Variants in ZNF106 observed in about 807,000 individuals in gnomAD.
ZNF106 encodes the protein zinc finger protein 106, also known as SH3-domain binding protein 3.
A neutral mutation model predicts 195.1 loss-of-function variants in ZNF106; 67 were observed. The observed-to-expected ratio is 0.34, with a 90% CI of 0.28 to 0.42. The LOEUF (loss-of-function observed/expected upper bound fraction) is 0.42, where lower values mean the gene tolerates loss of function less well. ZNF106 is among the 10% of genes least tolerant of loss of function. The pLI is 1.00. For missense variants in ZNF106, 2,118 were observed against 2,304.5 expected (o/e 0.92, Z 1.66); for synonymous variants, 784 against 818.6 (o/e 0.96, Z 0.72).
intron 3 of ZNF106, among the ~76,000 whole-genome samples, chr15:42,463,258 C>A (rs1209248410): frequency 6.6e-6 from 1 of 152,018 alleles, no homozygotes; most frequent in East Asian, 1.9e-4. Flanking sequence ...GCAGGTAAGT[C>A]ACCCATAATA....
rs780995404 is a variant in ZNF106 at position 42,442,310 on chromosome 15, T to G, written c.3526A>C (p.Thr1176Pro). 3.7e-6 allele frequency: 6 copies of G among 1,613,808 alleles called. No individual in the cohort carries two copies. Among genetic ancestry groups the G allele is most frequent in the African/African-American group, 1.3e-5 (1 of 74,818 alleles). The change falls in exon 10 of 22, where the codon ACT (threonine) becomes CCT (proline). Residue 1176 changes from threonine to proline, a missense_variant. Transcript: ENST00000564754. ...TCCAGAAAAAGTGGGAAAAAGGGAG[T>G]GGGCAGCAGTGCGGCATCAATGGAT... ...QTSIDAALLPTPFFPLFLEPP... is the reference protein window; with the variant it reads ...QTSIDAALLPPPFFPLFLEPP...
At chr15:42,437,487 A>G (rs934748701) in intron 12 of ZNF106, 110 bp from the exon 13 acceptor site, 38 of 1,272,330 alleles carry the variant, frequency 3.0e-5, no homozygotes, top group Non-Finnish European at 3.7e-5. Flanking sequence ...CCAAAAGTAG[A>G]TCCCTTAAAT....
chr15:42,461,095 T>C (rs1005676158), intron 3 of ZNF106, among the ~76,000 whole-genome samples: 1 of 152,194 alleles, frequency 6.6e-6, no homozygotes, highest in African/African-American at 2.4e-5. Context: ...TCTTTCTCTA[T>C]GTAGCCACAT....
chr15:42,422,379 A>ACTC, intron 18 of ZNF106, 122 bp downstream of exon 18: 5 of 1,289,614 alleles, frequency 3.9e-6, no homozygotes, highest in Non-Finnish European at 5.3e-6. Context: ...AATTATCTAG[A>ACTC]ATGCTTGTGA....
intron 5 of ZNF106, 90 bp from the exon 6 acceptor site, chr15:42,448,795 C>T: frequency 7.2e-7 from 1 of 1,383,160 alleles, no homozygotes; most frequent in Admixed American, 2.5e-5. Context: ...CTCTCAAGCA[C>T]TGAGGTTATA....
intron 1 of ZNF106, among the ~76,000 whole-genome samples, chr15:42,473,209 T>C (rs2056716079): frequency 6.6e-6 from 1 of 152,104 alleles, no homozygotes; most frequent in African/African-American, 2.4e-5. Flanking sequence ...AGTACGCAAA[T>C]ATTCCAAGAT....
At chr15:42,465,513 G>T (rs1446287270) in intron 3 of ZNF106, among the ~76,000 whole-genome samples, 5 of 151,990 alleles carry the variant, frequency 3.3e-5, no homozygotes, top group Admixed American at 1.3e-4. Context: ...CTGGGCTCAA[G>T]TAATCCTTCC....
intron 20 of ZNF106, among the ~76,000 whole-genome samples, 183 bp from the exon 21 acceptor site, chr15:42,418,134 C>G (rs184932439): frequency 6.6e-6 from 1 of 152,176 alleles, no homozygotes; most frequent in African/African-American, 2.4e-5. Context: ...TAATGAGGAA[C>G]CTTGAAAATA....
At chr15:42,468,771 G>A (rs2056592943) in intron 2 of ZNF106, among the ~76,000 whole-genome samples, 1 of 151,926 alleles carries the variant, frequency 6.6e-6, no homozygotes, top group African/African-American at 2.4e-5. Flanking sequence ...AAAATAAGGA[G>A]AGAGTAGCTT....
intron 1 of ZNF106, among the ~76,000 whole-genome samples, chr15:42,487,441 T>C (rs1567036692): frequency 7.5e-6 from 1 of 134,076 alleles, no homozygotes; most frequent in Non-Finnish European, 1.5e-5. Context: ...TAGTGAGCCA[T>C]GATCATGCCA....
chr15:42,440,996 AAAATATATATATATAT>A (rs1484857013), intron 10 of ZNF106, among the ~76,000 whole-genome samples: 15 of 49,394 alleles, frequency 3.0e-4, no homozygotes, highest in African/African-American at 1.6e-3. Flanking sequence ...AAAAAAAAAA[AAAATATATATATATAT>A]ATATATATAT....
intron 2 of ZNF106, among the ~76,000 whole-genome samples, chr15:42,471,364 T>C (rs1215027574): frequency 6.6e-6 from 1 of 152,176 alleles, no homozygotes; most frequent in African/African-American, 2.4e-5. Flanking sequence ...CTAGCAGCAC[T>C]ACTCTGAAAG....
chr15:42,421,974 T>G lies in ZNF106; in HGVS notation c.5388A>C (p.Leu1796Phe). ...TGTCTTTGTGTCCTCCATAAACTTG[T>G]AATCGATCATGAGACTTAGGCAGAA... is the stretch of plus-strand genomic sequence containing the variant. The part of the protein sequence containing the change: ...RVYELQSHDR[L>F]QVYGGHKDMI... Residue 1796 changes from leucine (L) to phenylalanine (F), a missense_variant, in exon 19 of 22, where the codon TTA becomes TTC. Transcript: ENST00000564754. The G allele has an allele frequency of 6.3e-7, 1 of 1,583,512 alleles. No individual in the cohort carries two copies.
chr15:42,419,363 A>G (rs2054573546), intron 20 of ZNF106, among the ~76,000 whole-genome samples: 1 of 151,974 alleles, frequency 6.6e-6, no homozygotes, highest in South Asian at 2.1e-4. Context: ...TGTCTCAGAA[A>G]AAAAATAAAT....
Position 42,466,210 on chromosome 15 carries a change from C to T in ZNF106, c.55-96G>A, listed in dbSNP as rs1321419745. ...CCTCAATCAAAAATTGGGGCTCAAACTCCTTATGTCAAAATGTGTTTTTGG... is the reference window on the plus strand; with the variant it reads ...CCTCAATCAAAAATTGGGGCTCAAATTCCTTATGTCAAAATGTGTTTTTGG... On this transcript the variant is annotated intron_variant, in intron 2 of 21. Coordinates refer to ENST00000564754, the MANE Select transcript of ZNF106 (RefSeq NM_001366845.3). 3 of 810,760 alleles carry T rather than the reference C, an allele frequency of 3.7e-6. No homozygotes were observed. The African/African-American group carries it at 5.3e-5, about 14-fold the overall frequency. 50.2% of individuals were successfully genotyped at this position (810,760 alleles called of 1,614,324 possible).
At chr15:42,474,548 C>G (rs1322018125) in intron 1 of ZNF106, among the ~76,000 whole-genome samples, 1 of 152,058 alleles carries the variant, frequency 6.6e-6, no homozygotes, top group Non-Finnish European at 1.5e-5. Context: ...CACTTGAGGA[C>G]AGGAGTTCAA....
chr15:42,469,725 C>T (rs548921627), intron 2 of ZNF106, among the ~76,000 whole-genome samples: 1 of 152,098 alleles, frequency 6.6e-6, no homozygotes, highest in South Asian at 2.1e-4. Context: ...GTAGTCCCAG[C>T]TACTCAGGAG....
intron 2 of ZNF106, among the ~76,000 whole-genome samples, chr15:42,467,871 T>G (rs2056557735): frequency 1.3e-5 from 2 of 151,998 alleles, no homozygotes; most frequent in South Asian, 4.1e-4. Flanking sequence ...AATAATCAAG[T>G]GGTCAAAGTG....
Position 42,451,699 on chromosome 15 carries a change from T to C in ZNF106, c.573A>G (p.Ala191=). The C allele has an allele frequency of 6.2e-7, 1 of 1,614,234 alleles. No individual in the cohort carries two copies. Among genetic ancestry groups the C allele is most frequent in the Non-Finnish European group, 8.5e-7 (1 of 1,180,042 alleles). The change falls in exon 5 of 22, where the codon GCA becomes GCG. Residue 191 remains alanine (A), a synonymous_variant. Transcript: ENST00000564754. ...RGRSGWHKGV[A]GGSSTWFHNH... is the part of the protein sequence containing the mutation. Reference sequence around the variant, plus strand: ...TGTGAAACCAAGTCGAGGAGCCTCCTGCAACACCCTTATGCCACCCGGAAC... The same window carrying C: ...TGTGAAACCAAGTCGAGGAGCCTCCCGCAACACCCTTATGCCACCCGGAAC...
Sources: allele counts gnomAD v4.1 joint callset (sites outside exome capture counted in the v4.1 genomes callset), GRCh38; gene constraint gnomAD v4.1.1; transcripts MANE v1.5; gene names NCBI Gene and HGNC (gene_info 2026-07-23, HGNC 2026-07-21).